Variants in DST observed in about 807,000 individuals in gnomAD.
The protein encoded by DST is bullous pemphigoid antigen.
Under a neutral mutation model 875.2 loss-of-function variants are expected in DST, and 253 were observed. The ratio of observed to expected loss-of-function variants is 0.29; its 90% CI spans 0.26 to 0.32. The LOEUF is 0.32. Ranked by LOEUF, DST falls within the 10% of genes least tolerant of loss-of-function variation. The pLI is 1.00. For missense variants in DST, 8,287 were observed against 9,111.6 expected (o/e 0.91, Z 3.68); for synonymous variants, 3,124 against 3,197.1 (o/e 0.98, Z 0.77).
chr6:56,835,268 C>A (rs186326628), intron 4 of DST, among the ~76,000 whole-genome samples: 40 of 152,268 alleles, frequency 2.6e-4, no homozygotes, highest in Middle Eastern at 3.4e-3. Context: ...ATAATAGACA[C>A]ATGATATTAT....
At chr6:56,460,275 G>C (rs775047126) in intron 102 of DST, 21 bp from the exon 103 acceptor site, 2 of 1,613,614 alleles carry the variant, frequency 1.2e-6, no homozygotes, top group African/African-American at 1.3e-5. Context: ...CCAGCAACAA[G>C]ACATTTCAAA....
chr6:56,615,585 C>G (rs1466981157), intron 36 of DST: 1 of 1,613,996 alleles, frequency 6.2e-7, no homozygotes. Flanking sequence ...AGTTTAAGTC[C>G]TGTGTGGAAA....
intron 49 of DST, among the ~76,000 whole-genome samples, chr6:56,585,725 G>A (rs2098133252): frequency 6.6e-6 from 1 of 150,572 alleles, no homozygotes; most frequent in Non-Finnish European, 1.5e-5. Flanking sequence ...TTCTCTTGTG[G>A]GCATTTAGTG....
intron 3 of DST, among the ~76,000 whole-genome samples, chr6:56,891,503 T>C (rs187767619): frequency 5.3e-5 from 8 of 150,282 alleles, no homozygotes; most frequent in African/African-American, 1.7e-4. Flanking sequence ...GAGGTGGAGC[T>C]TGCAGTGAGC....
chr6:56,785,614 C>T (rs1159974958), intron 4 of DST, among the ~76,000 whole-genome samples: 1 of 152,150 alleles, frequency 6.6e-6, no homozygotes, highest in Non-Finnish European at 1.5e-5. Context: ...TGCCGTCTGT[C>T]ACCCCTTTCC....
intron 36 of DST, chr6:56,620,545 C>G: frequency 1.9e-6 from 3 of 1,614,008 alleles, no homozygotes; most frequent in Non-Finnish European, 2.5e-6. Context: ...CCTCCCTGAC[C>G]TTCGGAAGTT....
chr6:56,778,894 T>C (rs980987795), intron 4 of DST, among the ~76,000 whole-genome samples: 1 of 152,064 alleles, frequency 6.6e-6, no homozygotes, highest in South Asian at 2.1e-4. Context: ...TTTGGGTATA[T>C]ACCCAGTAAT....
intron 3 of DST, among the ~76,000 whole-genome samples, chr6:56,879,527 T>C (rs1403642373): frequency 6.6e-6 from 1 of 152,202 alleles, no homozygotes; most frequent in Admixed American, 6.5e-5. Flanking sequence ...TCTAGGTTTA[T>C]TAATTATAGT....
intron 4 of DST, among the ~76,000 whole-genome samples, chr6:56,776,131 T>G (rs2099678659): frequency 6.6e-6 from 1 of 152,214 alleles, no homozygotes; most frequent in Non-Finnish European, 1.5e-5. Context: ...TAATGGCACT[T>G]CACCTCTGTG....
At chr6:56,510,741 C>T (rs989428009) in intron 73 of DST, among the ~76,000 whole-genome samples, 1 of 152,092 alleles carries the variant, frequency 6.6e-6, no homozygotes, top group African/African-American at 2.4e-5. Flanking sequence ...CAAAATTCAA[C>T]TTCTTGAAAA....
intron 4 of DST, among the ~76,000 whole-genome samples, chr6:56,769,905 C>G (rs1267569524): frequency 6.6e-6 from 1 of 152,228 alleles, no homozygotes; most frequent in East Asian, 1.9e-4. Context: ...ACTCTGCCCA[C>G]TTCCAACATG....
Position 56,742,277 on chromosome 6 carries a change from A to G in DST, c.626-6988T>C, listed in dbSNP as rs1457279637. Reference sequence around the variant, plus strand: ...TATATGTGATACTACTAACCCATACAGCACATCAGTCCCACCAGCTTTGCG... The same window carrying G: ...TATATGTGATACTACTAACCCATACGGCACATCAGTCCCACCAGCTTTGCG... On this transcript the variant is annotated intron_variant, in intron 4 of 103. Coordinates refer to ENST00000680361, the MANE Select transcript of DST (RefSeq NM_001374736.1). 3.1e-6 allele frequency: 4 copies of G among 1,288,316 alleles called. No homozygotes were observed. The Admixed American group carries it at 9.2e-5, about 30-fold the overall frequency. The allele number at this position is 1,288,316 out of a possible 1,614,324, so 79.8% of individuals were successfully genotyped here. A position where few individuals can be genotyped will look rare whatever the true frequency, so the allele number is the denominator to read the frequency against.
chr6:56,763,684 T>TACACACACACACACACACACACACACAC (rs553580754), intron 4 of DST, among the ~76,000 whole-genome samples: 1 of 117,068 alleles, frequency 8.5e-6, no homozygotes, highest in Non-Finnish European at 1.7e-5. Flanking sequence ...AAAATACCTA[T>TACACACACACACACACACACACACACAC]ACACACACAC....
At chr6:56,825,308 G>GT (rs1322651683) in intron 4 of DST, among the ~76,000 whole-genome samples, 2 of 147,352 alleles carry the variant, frequency 1.4e-5, no homozygotes, top group African/African-American at 5.0e-5. Flanking sequence ...CAGCATGCTC[G>GT]TTAAGAGTCA....
chr6:56,614,985 T>C (rs1486454291), intron 36 of DST: 1 of 993,930 alleles, frequency 1.0e-6, no homozygotes, highest in African/African-American at 1.7e-5. Context: ...AAATGGGACA[T>C]TGTGGTAAAC....
In DST at chr6:56,607,027, T is replaced by A. The variant is rs1463884928; in HGVS notation, c.7601A>T (p.Asp2534Val). ...DKYISNTSGE[D>V]EKTHPGFQQM... The stretch of plus-strand genomic sequence containing the variant: ...CTGAAAACCTGGATGTGTTTTTTCA[T>A]CCTCACCAGAAGTATTTGAAATGTA... Residue 2534 changes from aspartate (D) to valine (V), a missense_variant, in exon 40 of 104, where the codon GAT becomes GTT. Asp to Val is a radical substitution (Grantham distance 152). This residue lies in a region of DST where 3,138 missense variants were observed against 3,116.6 expected (regional missense o/e 1.01). Coordinates refer to ENST00000680361, the MANE Select transcript of DST (RefSeq NM_001374736.1). 5 of 1,613,448 alleles carry A rather than the reference T, an allele frequency of 3.1e-6. No individual in the cohort carries two copies. The African/African-American group carries it at 5.3e-5, about 17-fold the overall frequency.
intron 4 of DST, among the ~76,000 whole-genome samples, chr6:56,751,272 C>T (rs933683797): frequency 1.3e-5 from 2 of 151,872 alleles, no homozygotes; most frequent in Non-Finnish European, 2.9e-5. Flanking sequence ...AAAAAGATTA[C>T]GCATTGATTA....
In DST at chr6:56,724,618, T is replaced by A. The variant is rs2099439324; in HGVS notation, c.687+10610A>T. 1.3e-5 allele frequency among the ~76,000 whole-genome samples: 2 copies of A among 152,146 alleles called. 1 individual carries two copies. The highest frequency in any genetic ancestry group is 1.3e-4 in the Admixed American group (2 of 15,270). On this transcript the variant is annotated intron_variant, in intron 5 of 103. Transcript: ENST00000680361. ...TAGTGATATGATGGCTCACAAATAA[T>A]CCAAACAGTCTCTGCCATGCACTCA...
At chr6:56,542,809 G>A (rs1283096120) in intron 61 of DST, 4 of 152,320 alleles carry the variant, frequency 2.6e-5, no homozygotes, top group Non-Finnish European at 5.9e-5. Flanking sequence ...GGCACCATCT[G>A]CTGCGTCTCT....
Sources: gnomAD v4.1 joint callset for allele counts (sites outside exome capture counted in the v4.1 genomes callset) on GRCh38, gnomAD v4.1.1 for gene constraint, gnomAD v4.1.1 regional missense constraint, MANE v1.5 for transcripts, NCBI Gene and HGNC (gene_info 2026-07-23, HGNC 2026-07-21) for gene names.